SLC12A7: variants seen among roughly 807,000 people sequenced by gnomAD.
The protein encoded by SLC12A7 is solute carrier family 12 member 7, also known as K-Cl cotransporter 4.
A neutral mutation model predicts 120.6 loss-of-function variants in SLC12A7; 100 were observed. The ratio of observed to expected loss-of-function variants is 0.83; its 90% CI spans 0.71 to 0.98. The LOEUF (loss-of-function observed/expected upper bound fraction) is 0.98. SLC12A7 is among the 50% of genes least tolerant of loss of function. SLC12A7 has a pLI of 0.00. For synonymous variants in SLC12A7, 760 were observed against 678.0 expected (o/e 1.12, Z -1.88); for missense variants, 1,373 against 1,548.1 (o/e 0.89, Z 1.90).
chr5:1,150,080 T>C, the SLC12A7 span, among the ~76,000 whole-genome samples: 1 of 152,170 alleles, frequency 6.6e-6, no homozygotes, highest in Non-Finnish European at 1.5e-5. Context: ...ATTTAAGCCC[T>C]TTTCCCATTT....
At position 1,064,215 on chromosome 5, in the gene SLC12A7, C is replaced by G. The variant is rs1411822131; in HGVS notation, c.2475G>C (p.Leu825=). ...ACGAGTCGACGTTCTTGGCCACCAGCAGAGCCTGGTGCGCGGCGGTGGTGT... is the reference window on the plus strand; with the variant it reads ...ACGAGTCGACGTTCTTGGCCACCAGGAGAGCCTGGTGCGCGGCGGTGGTGT... ...VRDTTAAHQA[L]LVAKNVDSFP... Residue 825 remains leucine (L), a synonymous_variant, in exon 19 of 24, where the codon CTG becomes CTC. Coordinates refer to ENST00000264930, the MANE Select transcript of SLC12A7 (RefSeq NM_006598.3). 6.2e-7 allele frequency: 1 copy of G among 1,612,258 alleles called. No individual in the cohort carries two copies. Among genetic ancestry groups the G allele is most frequent in the Non-Finnish European group, 8.5e-7 (1 of 1,179,636 alleles).
the SLC12A7 span, among the ~76,000 whole-genome samples, chr5:1,129,970 G>A: frequency 6.6e-6 from 1 of 152,024 alleles, no homozygotes; most frequent in African/African-American, 2.4e-5. Context: ...CTCAAGGGAC[G>A]CCCTGGCCAG....
chr5:1,063,619 ACCTCCACCTCCACCTCCTGATCTCCC>A (rs1402016044), intron 20 of SLC12A7, among the ~76,000 whole-genome samples, 199 bp downstream of exon 20: 14 of 83,718 alleles, frequency 1.7e-4, no homozygotes, highest in African/African-American at 7.3e-4. Flanking sequence ...TCTCCTCCCC[ACCTCCACCTCCACCTCCTGATCTCCC>A]CCTCCACCCC....
chr5:1,076,399 C>T (rs1355239832), intron 13 of SLC12A7, among the ~76,000 whole-genome samples, 163 bp from the exon 14 acceptor site: 1 of 151,694 alleles, frequency 6.6e-6, no homozygotes, highest in Non-Finnish European at 1.5e-5. Flanking sequence ...CCGAATCAGG[C>T]CCCCTCAGGT....
chr5:1,062,083 G>T lies in SLC12A7; in HGVS notation c.2740-1632C>A, dbSNP rs371967355. Among the ~76,000 whole-genome samples the T allele has an allele frequency of 8.3e-4, 126 of 152,310 alleles. 4 individuals carry two copies. Among genetic ancestry groups the T allele is most frequent in the African/African-American group, 2.9e-3 (122 of 41,584 alleles). On this transcript the variant is annotated intron_variant, in intron 20 of 23. Coordinates refer to ENST00000264930, the MANE Select transcript of SLC12A7 (RefSeq NM_006598.3). ...GCCAGAGACATGGCTGGGAGCATGG[G>T]GGGTGCTGGGAGCTCCAGGTTCCCG... is the stretch of plus-strand genomic sequence containing the variant.
At chr5:1,113,288 T>C (rs1743175981), upstream of SLC12A7, among the ~76,000 whole-genome samples, 1 of 152,140 alleles carries the variant, frequency 6.6e-6, no homozygotes. Context: ...GGCCTGGCCA[T>C]GTTTTAGCCG....
At chr5:1,089,295 A>T (rs2150870181) in intron 3 of SLC12A7, among the ~76,000 whole-genome samples, 167 bp from the exon 4 acceptor site, 1 of 152,032 alleles carries the variant, frequency 6.6e-6, no homozygotes, top group South Asian at 2.1e-4. Flanking sequence ...CCAGGACAGG[A>T]CCCCTGACCA....
At chr5:1,131,305 C>T in the SLC12A7 span, among the ~76,000 whole-genome samples, 1 of 152,180 alleles carries the variant, frequency 6.6e-6, no homozygotes, top group Non-Finnish European at 1.5e-5. Flanking sequence ...TGGGGCCTGG[C>T]ACCACTTGCA....
At chr5:1,078,449 C>T (rs1160072673) in intron 11 of SLC12A7, 1 of 589,816 alleles carries the variant, frequency 1.7e-6, no homozygotes, top group Non-Finnish European at 3.0e-6. Flanking sequence ...CCCCTGTGGC[C>T]TCCCCAGGAA....
At chr5:1,138,697 G>A in the SLC12A7 span, among the ~76,000 whole-genome samples, 2 of 152,200 alleles carry the variant, frequency 1.3e-5, no homozygotes, top group Non-Finnish European at 2.9e-5. Context: ...GGACATAGAT[G>A]TAGCTCTTTG....
At chr5:1,078,394 A>T in intron 11 of SLC12A7, 1 of 551,626 alleles carries the variant, frequency 1.8e-6, no homozygotes, top group Non-Finnish European at 3.2e-6. Context: ...TCCACTTGCC[A>T]GCAGGGCTGA....
intron 17 of SLC12A7, among the ~76,000 whole-genome samples, chr5:1,068,529 G>A (rs1274583736): frequency 2.6e-5 from 4 of 152,246 alleles, no homozygotes; most frequent in Non-Finnish European, 5.9e-5. Context: ...AGGAGAATAC[G>A]GCTCCCCAGG....
At chr5:1,083,466 C>T (rs1007586140) in intron 8 of SLC12A7, among the ~76,000 whole-genome samples, 4 of 152,244 alleles carry the variant, frequency 2.6e-5, no homozygotes, top group Non-Finnish European at 5.9e-5. Context: ...GTTCCCCATA[C>T]ATGCTGCCAG....
At chr5:1,081,093 G>A (rs1284165077) in intron 9 of SLC12A7, among the ~76,000 whole-genome samples, 2 of 55,422 alleles carry the variant, frequency 3.6e-5, no homozygotes, top group East Asian at 1.3e-3. Flanking sequence ...GAGAGAGAGG[G>A]AAAAGGGTAG....
intron 8 of SLC12A7, among the ~76,000 whole-genome samples, 179 bp downstream of exon 8, chr5:1,083,566 G>A (rs1188377924): frequency 6.6e-6 from 1 of 152,204 alleles, no homozygotes; most frequent in African/African-American, 2.4e-5. Context: ...TGGCTTCTAT[G>A]GCTCTGCCAG....
At chr5:1,139,624 G>A in the SLC12A7 span, among the ~76,000 whole-genome samples, 2 of 152,248 alleles carry the variant, frequency 1.3e-5, no homozygotes, top group Admixed American at 6.5e-5. Context: ...GAGGCAGAGT[G>A]GCCCCCATGT....
rs371231081 is a variant in SLC12A7 at position 1,058,724 on chromosome 5, T to C, written c.2848-1075A>G. ...CAGACAGTGGGCCCCAGGCCTCTAC[T>C]CATTGTGGCGCCCGGCCCAGCCTAA... On this transcript the variant is annotated intron_variant, in intron 21 of 23. Coordinates refer to ENST00000264930, the MANE Select transcript of SLC12A7 (RefSeq NM_006598.3). 6.2e-4 allele frequency among the ~76,000 whole-genome samples: 95 copies of C among 152,308 alleles called. 1 individual carries two copies. The highest frequency in any genetic ancestry group is 2.1e-3 in the African/African-American group (88 of 41,568).
chr5:1,078,110 C>A, intron 11 of SLC12A7, 103 bp from the exon 12 acceptor site: 1 of 1,358,928 alleles, frequency 7.4e-7, no homozygotes, highest in South Asian at 1.5e-5. Context: ...GCAGTGGGGG[C>A]GACTCCTTGG....
intron 21 of SLC12A7, 59 bp from the exon 22 acceptor site, chr5:1,057,708 G>A (rs1473231294): frequency 1.9e-5 from 29 of 1,490,248 alleles, no homozygotes; most frequent in South Asian, 1.8e-4. Flanking sequence ...GGGCGAGAGC[G>A]ACCCGGGATG....
Sources: gnomAD v4.1 joint callset for allele counts (sites outside exome capture counted in the v4.1 genomes callset) on GRCh38, gnomAD v4.1.1 for gene constraint, MANE v1.5 for transcripts, NCBI Gene and HGNC (gene_info 2026-07-23, HGNC 2026-07-21) for gene names.